RIOK3: variants seen among roughly 807,000 people sequenced by gnomAD.
The protein encoded by RIOK3 is RIO kinase 3, also known as serine/threonine-protein kinase RIO3.
A neutral mutation model predicts 63.5 loss-of-function variants in RIOK3; 40 were observed. That is an observed-to-expected ratio of 0.63 (90% CI 0.49 to 0.82). The LOEUF (loss-of-function observed/expected upper bound fraction) is 0.82. Among genes scored for constraint, RIOK3 ranks in the 40% least tolerant of loss-of-function variants. The probability of loss-of-function intolerance (pLI) is 0.00; values close to 1 mark genes in which losing one functional copy is unlikely to be tolerated. For synonymous variants in RIOK3, 193 were observed against 205.0 expected, an observed-to-expected ratio of 0.94 and a Z score of 0.50; for missense variants, 557 against 637.0, an observed-to-expected ratio of 0.87 and a Z score of 1.35.
At chr18:23,474,709 T>C (rs1418032390) in intron 8 of RIOK3, among the ~76,000 whole-genome samples, 1 of 152,204 alleles carries the variant, frequency 6.6e-6, no homozygotes, top group African/African-American at 2.4e-5. Flanking sequence ...TGTGTGCTCC[T>C]GTAGCTCCTA....
intron 5 of RIOK3, among the ~76,000 whole-genome samples, chr18:23,465,913 C>A (rs1389123457): frequency 6.6e-6 from 1 of 152,178 alleles, no homozygotes; most frequent in Non-Finnish European, 1.5e-5. Flanking sequence ...GTTTTCTATG[C>A]CTGGAATAAA....
At chr18:23,462,880 C>A in intron 1 of RIOK3, 84 bp from the exon 2 acceptor site, 1 of 610,770 alleles carries the variant, frequency 1.6e-6, no homozygotes, top group Non-Finnish European at 2.6e-6. Flanking sequence ...TAGTTTAATT[C>A]TCAAAATATA....
chr18:23,453,509 G>A lies in RIOK3; in HGVS notation c.63+7G>A. The stretch of plus-strand genomic sequence containing the variant: ...GGCCTGGGGACCCAGCAAGGTAAGT[G>A]GCAGACGAGACTGGAGTACTAGCCT... On this transcript the variant is annotated splice_region_variant and intron_variant, in intron 1 of 12. Coordinates refer to ENST00000339486, the MANE Select transcript of RIOK3 (RefSeq NM_003831.5). 6.2e-7 allele frequency: 1 copy of A among 1,609,368 alleles called. No homozygotes were observed. Among genetic ancestry groups the A allele is most frequent in the Non-Finnish European group, 8.5e-7 (1 of 1,175,942 alleles).
At chr18:23,454,129 C>T (rs1221923516) in intron 1 of RIOK3, among the ~76,000 whole-genome samples, 1 of 152,168 alleles carries the variant, frequency 6.6e-6, no homozygotes, top group African/African-American at 2.4e-5. Context: ...TTTCTGGTTT[C>T]CAGGCAGGTC....
chr18:23,466,166 G>A lies in RIOK3; in HGVS notation c.577G>A (p.Gly193Arg). ...TGAGTTTCAGGTAGGAGATGGAATT[G>A]GAATGGATTTAAAACTATCAAACCA... is the stretch of plus-strand genomic sequence containing the variant. ...APEFQVGDGIGMDLKLSNHVF... is the reference protein window; with the variant it reads ...APEFQVGDGIRMDLKLSNHVF... The change falls in exon 6 of 13, where the codon GGA becomes AGA. Residue 193 changes from glycine (G) to arginine (R), a missense_variant. Gly to Arg is a moderately radical substitution (Grantham distance 125, BLOSUM62 -2). This residue lies in a region of RIOK3 where 243 missense variants were observed against 275.4 expected (regional missense o/e 0.88). Transcript: ENST00000339486. 6.2e-7 allele frequency: 1 copy of A among 1,604,568 alleles called. No individual in the cohort carries two copies. Among genetic ancestry groups the A allele is most frequent in the Non-Finnish European group, 8.5e-7 (1 of 1,176,820 alleles).
intron 9 of RIOK3, among the ~76,000 whole-genome samples, chr18:23,476,396 T>C (rs773103690): frequency 5.9e-5 from 9 of 152,158 alleles, no homozygotes; most frequent in Non-Finnish European, 1.3e-4. Context: ...GATCTAGATA[T>C]GGAAATTTTA....
At chr18:23,473,917 T>C (rs1022343657) in intron 8 of RIOK3, among the ~76,000 whole-genome samples, 10 of 152,152 alleles carry the variant, frequency 6.6e-5, no homozygotes, top group African/African-American at 1.9e-4. Context: ...AGGCTTAGCA[T>C]AAAAAAATGG....
chr18:23,472,702 C>G (rs761243258), intron 7 of RIOK3, among the ~76,000 whole-genome samples: 1 of 152,210 alleles, frequency 6.6e-6, no homozygotes, highest in South Asian at 2.1e-4. Flanking sequence ...GATTCCCCAC[C>G]ACCTCTAGGA....
chr18:23,474,451 C>T (rs2057476090), intron 8 of RIOK3, among the ~76,000 whole-genome samples: 1 of 152,202 alleles, frequency 6.6e-6, no homozygotes, highest in African/African-American at 2.4e-5. Context: ...CCTCCAGTCT[C>T]TTTTCTGTAC....
intron 7 of RIOK3, among the ~76,000 whole-genome samples, chr18:23,471,069 G>C (rs2057453236): frequency 6.6e-6 from 1 of 152,196 alleles, no homozygotes; most frequent in African/African-American, 2.4e-5. Context: ...ATACAGCAAT[G>C]AATGGTACAA....
At position 23,453,318 on chromosome 18, in the gene RIOK3, A is replaced by G. The variant is rs1333794926; in HGVS notation, c.-122A>G. 5 of 809,790 alleles carry G rather than the reference A, an allele frequency of 6.2e-6. No homozygotes were observed. Among genetic ancestry groups the G allele is most frequent in the African/African-American group, 1.7e-5 (1 of 59,232 alleles). The allele number at this position is 809,790 out of a possible 1,614,324, so 50.2% of individuals were successfully genotyped here. A position where few individuals can be genotyped will look rare whatever the true frequency, so the allele number is the denominator to read the frequency against. On this transcript the variant is annotated 5_prime_UTR_variant, in exon 1 of 13. Coordinates refer to ENST00000339486, the MANE Select transcript of RIOK3 (RefSeq NM_003831.5). ...GGACGCGGCCGCCGCCGTCGCCGCCATCTGTCACCTCCACTCCGGCATCAG... is the reference window on the plus strand; with the variant it reads ...GGACGCGGCCGCCGCCGTCGCCGCCGTCTGTCACCTCCACTCCGGCATCAG...
intron 2 of RIOK3, chr18:23,463,425 T>TTTTTTTTTGG (rs56070625): frequency 6.0e-6 from 1 of 167,064 alleles, no homozygotes; most frequent in African/African-American, 2.4e-5. Context: ...TTTTTTTTTT[T>TTTTTTTTTGG]GGAGATGGAA....
chr18:23,479,174 T>C (rs2057514255), intron 11 of RIOK3, 143 bp from the exon 12 acceptor site: 1 of 549,914 alleles, frequency 1.8e-6, no homozygotes, highest in African/African-American at 1.9e-5. Context: ...TGCCTTTGAG[T>C]TGAAATTACT....
Position 23,462,956 on chromosome 18 carries a change from T to C in RIOK3, c.64-8T>C, listed in dbSNP as rs1406003674. The stretch of plus-strand genomic sequence containing the variant: ...TGAATTGAGCTGTTCTTTTTTCTTT[T>C]TTCATAGTGTCCATGGGCTATTCCT... On this transcript the variant is annotated splice_polypyrimidine_tract_variant and splice_region_variant and intron_variant, in intron 1 of 12. Coordinates refer to ENST00000339486, the MANE Select transcript of RIOK3 (RefSeq NM_003831.5). The C allele has an allele frequency of 8.8e-6, 12 of 1,369,242 alleles. No individual in the cohort carries two copies. Among genetic ancestry groups the C allele is most frequent in the East Asian group, 5.2e-5 (2 of 38,432 alleles). The allele number at this position is 1,369,242 out of a possible 1,614,324, so 84.8% of individuals were successfully genotyped here. A position where few individuals can be genotyped will look rare whatever the true frequency, so the allele number is the denominator to read the frequency against.
intron 3 of RIOK3, 32 bp from the exon 4 acceptor site, chr18:23,464,174 A>C: frequency 6.2e-7 from 1 of 1,609,288 alleles, no homozygotes; most frequent in East Asian, 2.2e-5. Context: ...ATGTGCTCCT[A>C]AGTAAATCTT....
In RIOK3 at chr18:23,463,017, G is replaced by A. The variant is rs1341026242; in HGVS notation, c.117G>A (p.Met39Ile). 6 of 1,609,460 alleles carry A rather than the reference G, an allele frequency of 3.7e-6. No individual in the cohort carries two copies. Among genetic ancestry groups the A allele is most frequent in the African/African-American group, 1.3e-5 (1 of 74,828 alleles). Residue 39 changes from methionine (M) to isoleucine (I), a missense_variant, in exon 2 of 13, where the codon ATG becomes ATA. Met to Ile is a conservative substitution (Grantham distance 10). This residue lies in a region of RIOK3 where 243 missense variants were observed against 275.4 expected (regional missense o/e 0.88). Transcript: ENST00000339486. ...NTISCSLADV[M>I]SEQLAKELQL... ...TATCTTGTTCTTTGGCTGATGTAAT[G>A]AGTGAACAGCTGGCCAAAGAATTGC...
rs1167159336 is a variant in RIOK3, at chr18:23,483,079, A to T, written c.*1800A>T. Reference sequence around the variant, plus strand: ...GAGCAGCAAACCACTGCTGTGTGGCATTCTTGGAGTGTGCTGTGAATGTGC... The same window carrying T: ...GAGCAGCAAACCACTGCTGTGTGGCTTTCTTGGAGTGTGCTGTGAATGTGC... On this transcript the variant is annotated 3_prime_UTR_variant, in exon 13 of 13. Coordinates refer to ENST00000339486, the MANE Select transcript of RIOK3 (RefSeq NM_003831.5). 6.6e-6 allele frequency: 1 copy of T among 152,178 alleles called. No individual in the cohort carries two copies. Among genetic ancestry groups the T allele is most frequent in the Non-Finnish European group, 1.5e-5 (1 of 68,026 alleles). 9.4% of individuals were successfully genotyped at this position (152,178 alleles called of 1,614,324 possible).
rs1484955607 is a variant in RIOK3 at position 23,482,987 on chromosome 18, A to G, written c.*1708A>G. 1 of 152,224 alleles carries G rather than the reference A, an allele frequency of 6.6e-6. No homozygotes were observed. Among genetic ancestry groups the G allele is most frequent in the African/African-American group, 2.4e-5 (1 of 41,464 alleles). The allele number at this position is 152,224 out of a possible 1,614,324, so 9.4% of individuals were successfully genotyped here. On this transcript the variant is annotated 3_prime_UTR_variant, in exon 13 of 13. Transcript: ENST00000339486. ...TACTGGCTTTACAGAAATTTCAGAGAACTAATTTTTAAAATCTTTAGCATT... is the reference window on the plus strand; with the variant it reads ...TACTGGCTTTACAGAAATTTCAGAGGACTAATTTTTAAAATCTTTAGCATT...
intron 12 of RIOK3, among the ~76,000 whole-genome samples, chr18:23,480,105 C>T (rs985108373): frequency 9.9e-5 from 15 of 152,130 alleles, no homozygotes; most frequent in South Asian, 4.1e-4. Context: ...TGGAAATACC[C>T]GGTTATTATA....
Sources: allele counts gnomAD v4.1 joint callset (sites outside exome capture counted in the v4.1 genomes callset), GRCh38; gene constraint gnomAD v4.1.1; regional missense constraint gnomAD v4.1.1; transcripts MANE v1.5; gene names NCBI Gene and HGNC (gene_info 2026-07-23, HGNC 2026-07-21).